Variants in CLEC16A observed in about 807,000 individuals in gnomAD.
The protein encoded by CLEC16A is protein CLEC16A.
Under a neutral mutation model 109.5 loss-of-function variants are expected in CLEC16A, and 51 were observed. That is an observed-to-expected ratio of 0.47 (90% CI 0.37 to 0.59). The LOEUF (loss-of-function observed/expected upper bound fraction) is 0.59, where lower values mean the gene tolerates loss of function less well. Ranked by LOEUF, CLEC16A falls within the 20% of genes least tolerant of loss-of-function variation. CLEC16A has a pLI of 0.00. For synonymous variants in CLEC16A, 673 were observed against 564.2 expected (o/e 1.19, Z -2.73); for missense variants, 1,339 against 1,394.0 (o/e 0.96, Z 0.63).
intron 22 of CLEC16A, among the ~76,000 whole-genome samples, chr16:11,133,329 ACT>A (rs1371729935): frequency 6.8e-6 from 1 of 147,968 alleles, no homozygotes; most frequent in Non-Finnish European, 1.5e-5. Context: ...ACAGAGTGAG[ACT>A]CTGTCTCAAA....
intron 1 of CLEC16A, among the ~76,000 whole-genome samples, chr16:10,956,987 G>C (rs950281611): frequency 3.3e-5 from 5 of 152,258 alleles, no homozygotes; most frequent in Middle Eastern, 3.4e-3. Context: ...AGTAGAGACA[G>C]GGTTTCGCCA....
At chr16:10,992,412 G>T (rs1055811845) in intron 10 of CLEC16A, among the ~76,000 whole-genome samples, 1 of 151,946 alleles carries the variant, frequency 6.6e-6, no homozygotes, top group Non-Finnish European at 1.5e-5. Context: ...TCACCACAAA[G>T]AAATGATAAA....
rs144672935 is a variant in CLEC16A at position 11,022,929 on chromosome 16, A to G, written c.1437-1892A>G. Among the ~76,000 whole-genome samples, 703 of 149,394 alleles carry G rather than the reference A, an allele frequency of 4.7e-3. 4 individuals are homozygous for G. The highest frequency in any genetic ancestry group is 0.016 in the African/African-American group (677 of 41,042). On this transcript the variant is annotated intron_variant, in intron 12 of 23. Coordinates refer to ENST00000409790, the MANE Select transcript of CLEC16A (RefSeq NM_015226.3). ...TATATATATATATATATATATGTAT[A>G]TATAGGCCTAAGAAACTTAAAGCTT...
intron 23 of CLEC16A, among the ~76,000 whole-genome samples, chr16:11,170,138 C>T (rs763676796): frequency 2.6e-5 from 4 of 152,168 alleles, no homozygotes; most frequent in Non-Finnish European, 5.9e-5. Context: ...CGCAGAGACC[C>T]GGGCCCCGAT....
chr16:11,011,238 G>A (rs1420746143), intron 11 of CLEC16A, among the ~76,000 whole-genome samples: 1 of 152,056 alleles, frequency 6.6e-6, no homozygotes, highest in African/African-American at 2.4e-5. Flanking sequence ...TATCGTAATG[G>A]GCAGGAAAAG....
chr16:10,964,914 G>T (rs536006441), intron 3 of CLEC16A, among the ~76,000 whole-genome samples: 3 of 152,262 alleles, frequency 2.0e-5, no homozygotes, highest in East Asian at 3.9e-4. Flanking sequence ...ATGAAAATAT[G>T]CAGTAGATCT....
In CLEC16A at chr16:11,178,468, C is replaced by A; in HGVS notation, c.2940C>A (p.Ser980=). 6.2e-7 allele frequency: 1 copy of A among 1,613,664 alleles called. No homozygotes were observed. The part of the protein sequence containing the change: ...RSAAVETASL[S]PSLVPARQPT... The stretch of plus-strand genomic sequence containing the variant: ...CAGCCGTGGAGACAGCCAGCCTGTC[C>A]CCCAGCCTCGTCCCTGCCCGGCAGC... Residue 980 remains serine (S), a synonymous_variant, in exon 24 of 24, where the codon TCC becomes TCA. Transcript: ENST00000409790. This position sits in a 1 kb window ranked among gnomAD's most constrained non-coding sequence, Gnocchi z 6.5.
rs2044773860 is a variant in CLEC16A, at chr16:11,003,209, G to A, written c.1207G>A (p.Glu403Lys). 6.2e-7 allele frequency: 1 copy of A among 1,613,616 alleles called. No individual in the cohort carries two copies. The change falls in exon 11 of 24, where the codon GAG (glutamate) becomes AAG (lysine). Residue 403 changes from glutamate to lysine, a missense_variant. Glu to Lys is a moderately conservative substitution (Grantham distance 56). Coordinates refer to ENST00000409790, the MANE Select transcript of CLEC16A (RefSeq NM_015226.3). ...AAACGTTGGGGAAGAAGAAGATGAG[G>A]AGAAAGGGCCCACCGAGGATGCCCA... is the stretch of plus-strand genomic sequence containing the variant. ...YKNVGEEEDEEKGPTEDAQED... is the reference protein window; with the variant it reads ...YKNVGEEEDEKKGPTEDAQED...
intron 19 of CLEC16A, among the ~76,000 whole-genome samples, chr16:11,101,810 C>CTT (rs546866259): frequency 6.8e-6 from 1 of 146,808 alleles, no homozygotes; most frequent in Non-Finnish European, 1.5e-5. Context: ...CTTTTCTTTT[C>CTT]TTTTTTTTTT....
chr16:11,073,203 G>A (rs1043476225), intron 19 of CLEC16A, among the ~76,000 whole-genome samples: 1 of 152,140 alleles, frequency 6.6e-6, no homozygotes, highest in East Asian at 1.9e-4. Flanking sequence ...CCTGTTCTCT[G>A]CCCCCACCCC....
At chr16:10,996,359 C>T (rs914363812) in intron 10 of CLEC16A, among the ~76,000 whole-genome samples, 1 of 152,146 alleles carries the variant, frequency 6.6e-6, no homozygotes, top group Non-Finnish European at 1.5e-5. Context: ...GGGAGCTGGC[C>T]GAGCACCTTG....
Position 11,006,308 on chromosome 16 carries a change from G to A in CLEC16A, c.1303+3003G>A, listed in dbSNP as rs190945597. On this transcript the variant is annotated intron_variant, in intron 11 of 23. Transcript: ENST00000409790. ...GCTCCCTCAGTAAAAAATGAGATGC[G>A]TTTATCAGAAGCAAGGGGCAGGGAT... is the stretch of plus-strand genomic sequence containing the variant. 1.1e-4 allele frequency among the ~76,000 whole-genome samples: 16 copies of A among 152,210 alleles called. No homozygotes were observed. The East Asian group carries it at 2.5e-3, about 24-fold the overall frequency.
intron 19 of CLEC16A, among the ~76,000 whole-genome samples, chr16:11,068,780 C>A (rs954444790): frequency 3.3e-5 from 5 of 152,198 alleles, no homozygotes; most frequent in Non-Finnish European, 7.3e-5. Flanking sequence ...CAACCAACCA[C>A]AGATTGAAAA....
chr16:11,057,286 C>G (rs2048259300), intron 18 of CLEC16A, among the ~76,000 whole-genome samples: 1 of 152,240 alleles, frequency 6.6e-6, no homozygotes, highest in East Asian at 1.9e-4. Flanking sequence ...AGGCAGCTTG[C>G]ACATGCAGCA....
At chr16:11,156,973 C>A (rs1158244211) in intron 22 of CLEC16A, 3 of 729,778 alleles carry the variant, frequency 4.1e-6, no homozygotes, top group African/African-American at 2.0e-5. Context: ...ACTTGGCAGC[C>A]CTCACAGGCA....
intron 19 of CLEC16A, among the ~76,000 whole-genome samples, chr16:11,098,332 G>A (rs541844909): frequency 3.9e-5 from 6 of 152,340 alleles, no homozygotes; most frequent in East Asian, 1.9e-4. Context: ...GCCTGTGCAC[G>A]CCGAGGATGC....
intron 22 of CLEC16A, among the ~76,000 whole-genome samples, chr16:11,127,189 A>T (rs927138524): frequency 6.6e-6 from 1 of 152,204 alleles, no homozygotes; most frequent in Non-Finnish European, 1.5e-5. Flanking sequence ...TGTTTTTTAC[A>T]CATGGGGTAT....
At chr16:10,971,806 T>A (rs1285277681) in intron 5 of CLEC16A, among the ~76,000 whole-genome samples, 1 of 152,216 alleles carries the variant, frequency 6.6e-6, no homozygotes, top group African/African-American at 2.4e-5. Flanking sequence ...GCCACAAGTT[T>A]CCTGAACTGG....
At chr16:10,991,372 C>G (rs989789172) in intron 10 of CLEC16A, among the ~76,000 whole-genome samples, 4 of 142,480 alleles carry the variant, frequency 2.8e-5, no homozygotes, top group Non-Finnish European at 4.5e-5. Context: ...TGCAGTGAGC[C>G]GAGATCATGC....
Sources: gnomAD v4.1 joint callset for allele counts (sites outside exome capture counted in the v4.1 genomes callset) on GRCh38, gnomAD v4.1.1 for gene constraint, Gnocchi (gnomAD v3.1) non-coding constraint, MANE v1.5 for transcripts, NCBI Gene and HGNC (gene_info 2026-07-23, HGNC 2026-07-21) for gene names.